Variants in DGUOK observed in about 807,000 individuals in gnomAD.
DGUOK encodes the protein deoxyguanosine kinase, also known as deoxyguanosine kinase, mitochondrial.
In DGUOK, 30 loss-of-function variants were observed where a neutral mutation model predicts 36.6. The ratio of observed to expected loss-of-function variants is 0.82; its 90% CI spans 0.61 to 1.11. The LOEUF (loss-of-function observed/expected upper bound fraction) is 1.11, where lower values mean the gene tolerates loss of function less well. Among genes scored for constraint, DGUOK ranks in the 50% most tolerant of loss-of-function variants. DGUOK has a pLI of 0.00. For missense variants in DGUOK, 361 were observed against 336.4 expected, an observed-to-expected ratio of 1.07 and a Z score of -0.57; for synonymous variants, 145 against 126.3, an observed-to-expected ratio of 1.15 and a Z score of -0.99.
At chr2:73,940,031 A>T (rs1681787078) in intron 2 of DGUOK, among the ~76,000 whole-genome samples, 1 of 151,388 alleles carries the variant, frequency 6.6e-6, no homozygotes. Flanking sequence ...CCTCCTGAGT[A>T]GCTGGGACTA....
chr2:73,930,788 TTTTTTC>T lies in DGUOK; in HGVS notation c.142+3742_142+3747del, dbSNP rs1268741401. Among the ~76,000 whole-genome samples the T allele has an allele frequency of 5.5e-3, 454 of 82,324 alleles. 42 individuals are homozygous for T. The highest frequency in any genetic ancestry group is 8.0e-3 in the Non-Finnish European group (299 of 37,194). 54.0% of individuals were successfully genotyped at this position (82,324 alleles called of 152,430 possible). ...ACAGATTCGACATAATTTTCTTTTTTTTTTTCTTTTTTTTTTTTTTTTTTTGAGACA... is the reference window on the plus strand; with the variant it reads ...ACAGATTCGACATAATTTTCTTTTTTTTTTTTTTTTTTTTTTTTTGAGACA... On this transcript the variant is annotated intron_variant, in intron 1 of 6. Coordinates refer to ENST00000264093, the MANE Select transcript of DGUOK (RefSeq NM_080916.3).
chr2:73,956,979 G>GGCCGTAT, intron 4 of DGUOK, 146 bp from the exon 5 acceptor site: 2 of 504,046 alleles, frequency 4.0e-6, no homozygotes, highest in Non-Finnish European at 7.4e-6. Context: ...TCCTCTGATT[G>GGCCGTAT]CATAAGAAAA....
At chr2:73,941,510 A>G (rs1321864095) in intron 2 of DGUOK, among the ~76,000 whole-genome samples, 5 of 152,230 alleles carry the variant, frequency 3.3e-5, no homozygotes, top group Non-Finnish European at 5.9e-5. Flanking sequence ...TATAAAATAT[A>G]TATACATTTG....
chr2:73,950,550 C>T (rs1302095477), intron 3 of DGUOK, 35 bp from the exon 4 acceptor site: 2 of 1,612,652 alleles, frequency 1.2e-6, no homozygotes, highest in Admixed American at 3.3e-5. Context: ...TTCCCATTCT[C>T]CTGCCCTCCC....
At chr2:73,939,067 A>G (rs1681705550) in intron 2 of DGUOK, 45 bp downstream of exon 2, 1 of 1,243,934 alleles carries the variant, frequency 8.0e-7, no homozygotes, top group South Asian at 1.2e-5. Flanking sequence ...ATGGGTGAAT[A>G]ATCTAATTGT....
intron 5 of DGUOK, chr2:73,957,888 G>T: frequency 2.5e-6 from 1 of 402,890 alleles, no homozygotes; most frequent in Admixed American, 3.6e-5. Context: ...CTTTAGGCTT[G>T]GTTTGTTGTC....
chr2:73,926,922 C>T lies in DGUOK; in HGVS notation c.12C>T (p.Gly4=), dbSNP rs1680628426. 1 of 1,613,488 alleles carries T rather than the reference C, an allele frequency of 6.2e-7. No individual in the cohort carries two copies. The highest frequency in any genetic ancestry group is 8.5e-7 in the Non-Finnish European group (1 of 1,180,038). ...GAATCGTGGGTGGGATGGCCGCGGG[C>T]CGCCTCTTTCTAAGTCGGCTTCGAG... MAA[G]RLFLSRLRAP... Residue 4 remains glycine (G), a synonymous_variant, in exon 1 of 7, where the codon GGC becomes GGT. Coordinates refer to ENST00000264093, the MANE Select transcript of DGUOK (RefSeq NM_080916.3).
intron 4 of DGUOK, 69 bp from the exon 5 acceptor site, chr2:73,957,056 C>A: frequency 9.4e-7 from 1 of 1,069,218 alleles, no homozygotes; most frequent in Non-Finnish European, 1.5e-6. Context: ...GGCCTCAGAG[C>A]CCCCGAAGAC....
chr2:73,926,936 G>T lies in DGUOK; in HGVS notation c.26G>T (p.Ser9Ile). ...ATGGCCGCGGGCCGCCTCTTTCTAA[G>T]TCGGCTTCGAGCACCCTTCAGTTCC... Reference protein sequence around the residue: MAAGRLFLSRLRAPFSSMA... With the variant: MAAGRLFLIRLRAPFSSMA... Residue 9 changes from serine to isoleucine, a missense_variant, in exon 1 of 7, where the codon AGT becomes ATT. Transcript: ENST00000264093. 6.2e-7 allele frequency: 1 copy of T among 1,613,562 alleles called. No homozygotes were observed. The highest frequency in any genetic ancestry group is 8.5e-7 in the Non-Finnish European group (1 of 1,180,036).
chr2:73,939,147 C>T (rs1289448031), intron 2 of DGUOK, 125 bp downstream of exon 2: 1 of 708,746 alleles, frequency 1.4e-6, no homozygotes, highest in Non-Finnish European at 2.6e-6. Context: ...AGCTTCATTC[C>T]AGAAAGCAGA....
chr2:73,944,567 G>A (rs1682148105), intron 2 of DGUOK, among the ~76,000 whole-genome samples: 1 of 152,178 alleles, frequency 6.6e-6, no homozygotes, highest in Admixed American at 6.5e-5. Context: ...ACAGAGACTA[G>A]TCCTCTCCTT....
intron 5 of DGUOK, 67 bp from the exon 6 acceptor site, chr2:73,958,079 G>T (rs1277091082): frequency 3.3e-6 from 4 of 1,219,166 alleles, no homozygotes; most frequent in Non-Finnish European, 4.8e-6. Context: ...GACTTGGCGA[G>T]TATGTGAAAC....
chr2:73,939,132 A>G (rs868451112), intron 2 of DGUOK, 110 bp downstream of exon 2: 6 of 744,064 alleles, frequency 8.1e-6, no homozygotes, highest in Middle Eastern at 5.6e-4. Context: ...TATCCTTTTT[A>G]AAATAGCTTC....
rs1558656881 is a variant in DGUOK, at chr2:73,946,070, A to AG, written c.256-649_256-648insG. 2.4e-4 allele frequency among the ~76,000 whole-genome samples: 35 copies of AG among 142,930 alleles called. 2 individuals are homozygous for AG. Among genetic ancestry groups the AG allele is most frequent in the Non-Finnish European group, 2.3e-4 (15 of 65,902 alleles). The allele number at this position is 142,930 out of a possible 152,430, so 93.8% of individuals were successfully genotyped here. ...ACTCTGTCTCAAAAAAAAAAAAAAA[A>AG]AATCCGGGGCTGCTGAACATCCCAC... On this transcript the variant is annotated intron_variant, in intron 2 of 6. Transcript: ENST00000264093.
intron 5 of DGUOK, among the ~76,000 whole-genome samples, chr2:73,957,754 T>C (rs1683230482): frequency 1.3e-5 from 2 of 152,230 alleles, no homozygotes; most frequent in South Asian, 4.1e-4. Context: ...TCTTTGTTTC[T>C]TAACATTTCC....
chr2:73,931,935 G>T (rs557813068), intron 1 of DGUOK, among the ~76,000 whole-genome samples: 1 of 152,250 alleles, frequency 6.6e-6, no homozygotes, highest in African/African-American at 2.4e-5. Flanking sequence ...GGTGAGGTAG[G>T]AGGAGGAGTA....
At chr2:73,958,595 A>AT (rs1211977359) in intron 6 of DGUOK, 115 bp from the exon 7 acceptor site, 5 of 885,502 alleles carry the variant, frequency 5.6e-6, no homozygotes, top group Non-Finnish European at 9.4e-6. Context: ...CATGCCTATT[A>AT]TTTTCCTTTC....
chr2:73,932,818 A>G, intron 1 of DGUOK: 1 of 357,772 alleles, frequency 2.8e-6, no homozygotes, highest in South Asian at 2.4e-5. Context: ...TGACTTACGA[A>G]GCCATATAAG....
chr2:73,944,593 T>A (rs831549), intron 2 of DGUOK, among the ~76,000 whole-genome samples: 96,242 of 152,076 alleles, frequency 0.63, 31,024 homozygotes, highest in Non-Finnish European at 0.69. Flanking sequence ...TTGCTAAGTA[T>A]TTTTGTGTCC....
Sources: allele counts gnomAD v4.1 joint callset (sites outside exome capture counted in the v4.1 genomes callset), GRCh38; gene constraint gnomAD v4.1.1; transcripts MANE v1.5; gene names NCBI Gene and HGNC (gene_info 2026-07-23, HGNC 2026-07-21).